The following TLK1 variants were observed in gnomAD, a reference collection of about 807,000 sequenced individuals.
The protein encoded by TLK1 is tousled like kinase 1, also known as serine/threonine-protein kinase tousled-like 1.
Under a neutral mutation model 105.3 loss-of-function variants are expected in TLK1, and 24 were observed. The ratio of observed to expected loss-of-function variants is 0.23; its 90% CI spans 0.17 to 0.32. The LOEUF (loss-of-function observed/expected upper bound fraction) is 0.32. Among genes scored for constraint, TLK1 ranks in the 10% least tolerant of loss-of-function variants. TLK1 has a pLI of 1.00. For synonymous variants in TLK1, 321 were observed against 310.4 expected (o/e 1.03, Z -0.36); for missense variants, 558 against 910.5 (o/e 0.61, Z 4.98).
chr2:171,140,572 A>C (rs1296193949), intron 1 of TLK1, among the ~76,000 whole-genome samples: 1 of 152,224 alleles, frequency 6.6e-6, no homozygotes. Context: ...AGAGCAAAAG[A>C]ATTACAATTA....
chr2:171,048,631 C>CTGATATCTG (rs1490341253), intron 10 of TLK1, among the ~76,000 whole-genome samples: 1 of 151,214 alleles, frequency 6.6e-6, no homozygotes, highest in African/African-American at 2.4e-5. Flanking sequence ...GAATTGAAAC[C>CTGATATCTG]CAAACTCTCT....
intron 12 of TLK1, among the ~76,000 whole-genome samples, chr2:171,015,491 ATACAT>A (rs963353264): frequency 1.3e-5 from 2 of 150,484 alleles, no homozygotes; most frequent in African/African-American, 2.4e-5. Context: ...AATCCTAAAG[ATACAT>A]TACAACAAAA....
chr2:171,025,531 A>G (rs1326134427), intron 12 of TLK1, among the ~76,000 whole-genome samples: 10 of 152,204 alleles, frequency 6.6e-5, no homozygotes, highest in Non-Finnish European at 1.2e-4. Context: ...CTGACTGGTT[A>G]TATTTCCTGT....
At chr2:171,068,218 A>G (rs998195035) in intron 3 of TLK1, among the ~76,000 whole-genome samples, 2 of 152,042 alleles carry the variant, frequency 1.3e-5, no homozygotes, top group African/African-American at 2.4e-5. Context: ...AGTCCCAACT[A>G]CTCGGGAGGT....
Position 171,053,860 on chromosome 2 carries a change from G to GA in TLK1, c.640-8dup, listed in dbSNP as rs1266722814. On this transcript the variant is annotated splice_polypyrimidine_tract_variant and splice_region_variant and intron_variant, in intron 7 of 20. Coordinates refer to ENST00000431350, the MANE Select transcript of TLK1 (RefSeq NM_012290.5). ...TCAGCATTGTGAGATCAGTCTAAAT[G>GA]AAAAAAAGTTATTTTATTATCTCCA... The GA allele has an allele frequency of 1.3e-6, 2 of 1,571,720 alleles. No homozygotes were observed. The highest frequency in any genetic ancestry group is 1.7e-6 in the Non-Finnish European group (2 of 1,162,574).
chr2:171,164,209 T>A (rs1333952314), upstream of TLK1, among the ~76,000 whole-genome samples: 1 of 152,144 alleles, frequency 6.6e-6, no homozygotes, highest in Non-Finnish European at 1.5e-5. Context: ...CTCACCAACC[T>A]TTAAAAAAAA....
intron 1 of TLK1, among the ~76,000 whole-genome samples, chr2:171,203,878 T>C (rs1693448769): frequency 6.6e-6 from 1 of 151,978 alleles, no homozygotes; most frequent in Admixed American, 6.6e-5. Flanking sequence ...GGCGAAACCC[T>C]ATCTCTACTA....
intron 3 of TLK1, among the ~76,000 whole-genome samples, chr2:171,068,235 G>A (rs1016439498): frequency 2.6e-5 from 4 of 152,036 alleles, no homozygotes; most frequent in South Asian, 2.1e-4. Context: ...AGGTTGAGGC[G>A]GGAAAATTGC....
chr2:171,011,351 A>G, intron 14 of TLK1, 22 bp downstream of exon 14: 1 of 1,584,142 alleles, frequency 6.3e-7, no homozygotes, highest in Non-Finnish European at 8.6e-7. Flanking sequence ...GTGTAAAAAA[A>G]ACAGAATAAA....
chr2:171,002,525 C>T (rs566553279), intron 18 of TLK1, among the ~76,000 whole-genome samples: 10 of 151,882 alleles, frequency 6.6e-5, no homozygotes, highest in East Asian at 3.9e-4. Context: ...CCACCTGCCT[C>T]GGCCTCCCAA....
intron 1 of TLK1, chr2:171,154,618 G>C (rs950175557): frequency 6.6e-6 from 1 of 152,220 alleles, no homozygotes; most frequent in African/African-American, 2.4e-5. Flanking sequence ...CACACAGCTA[G>C]TTAATAGCAA....
intron 1 of TLK1, among the ~76,000 whole-genome samples, chr2:171,195,593 C>T (rs1314707290): frequency 6.6e-6 from 1 of 151,318 alleles, no homozygotes; most frequent in Non-Finnish European, 1.5e-5. Flanking sequence ...TGAAGTATGT[C>T]CTTGTCTTTT....
At chr2:171,083,449 A>G (rs1394983215) in intron 2 of TLK1, among the ~76,000 whole-genome samples, 1 of 152,220 alleles carries the variant, frequency 6.6e-6, no homozygotes, top group Admixed American at 6.5e-5. Context: ...AGAAAGAGCT[A>G]ACATTCTGTA....
At chr2:171,016,523 C>T (rs12467411) in intron 12 of TLK1, among the ~76,000 whole-genome samples, 5,583 of 152,286 alleles carry the variant, frequency 0.037, 409 homozygotes, top group East Asian at 0.3. Flanking sequence ...ATCTAGACCA[C>T]GTGGAACAGA....
intron 1 of TLK1, among the ~76,000 whole-genome samples, chr2:171,148,890 A>AAAAAAAAATATATAT (rs1445171800): frequency 7.2e-6 from 1 of 138,470 alleles, no homozygotes; most frequent in African/African-American, 2.7e-5. Context: ...AAAAAAAAAA[A>AAAAAAAAATATATAT]ATATATATAT....
At chr2:171,118,648 A>G (rs534119739) in intron 1 of TLK1, among the ~76,000 whole-genome samples, 1 of 152,330 alleles carries the variant, frequency 6.6e-6, no homozygotes, top group South Asian at 2.1e-4. Flanking sequence ...TGAAGTTCAA[A>G]CAAAAATTAC....
intron 11 of TLK1, among the ~76,000 whole-genome samples, chr2:171,029,465 AT>A (rs1685936626): frequency 1.3e-5 from 2 of 152,066 alleles, no homozygotes; most frequent in African/African-American, 4.8e-5. Context: ...CCCCGTCTCA[AT>A]CTCCCTCACC....
chr2:171,114,603 G>C (rs188870251), intron 2 of TLK1, among the ~76,000 whole-genome samples: 4 of 152,316 alleles, frequency 2.6e-5, no homozygotes. Context: ...GGGAGGCCGA[G>C]GTGGGCAAAT....
intron 1 of TLK1, among the ~76,000 whole-genome samples, chr2:171,207,093 A>G (rs1299729843): frequency 6.6e-6 from 1 of 152,264 alleles, no homozygotes; most frequent in African/African-American, 2.4e-5. Flanking sequence ...AAAAACCTGC[A>G]CATGGATGTT....
Sources: allele counts gnomAD v4.1 joint callset (sites outside exome capture counted in the v4.1 genomes callset), GRCh38; gene constraint gnomAD v4.1.1; transcripts MANE v1.5; gene names NCBI Gene and HGNC (gene_info 2026-07-23, HGNC 2026-07-21).